SCGB2B2: variants seen among roughly 807,000 people sequenced by gnomAD.
The protein encoded by SCGB2B2 is secretoglobin-like protein.
SCGB2B2 carries 11 observed loss-of-function variants against 7.6 expected under a neutral mutation model. That is an observed-to-expected ratio of 1.45 (90% CI 0.91 to 2.40). The LOEUF (loss-of-function observed/expected upper bound fraction) is 2.40. Among genes scored for constraint, SCGB2B2 ranks in the 30% most tolerant of loss-of-function variants. The pLI is 0.00. For synonymous variants in SCGB2B2, 50 were observed against 48.6 expected (o/e 1.03, Z -0.12); for missense variants, 104 against 115.4 (o/e 0.90, Z 0.45).
chr19:34,660,027 A>G (rs910784288), intron 1 of SCGB2B2, among the ~76,000 whole-genome samples: 1 of 152,228 alleles, frequency 6.6e-6, no homozygotes, highest in African/African-American at 2.4e-5. Flanking sequence ...AAAACAAGCA[A>G]CAGGGAAAGG....
Position 34,653,152 on chromosome 19 carries a change from A to G in SCGB2B2, c.-2032+22478T>C, listed in dbSNP as rs2067203160. On this transcript the variant is annotated intron_variant, in intron 1 of 3. Coordinates refer to ENST00000601241, the MANE Select transcript of SCGB2B2 (RefSeq NM_001025591.4). ...TCTCACTCACATGTGGAAGTAAAAA[A>G]GCTGCTCTCATAGAAGAAGAGTGTA... 1.3e-5 allele frequency among the ~76,000 whole-genome samples: 2 copies of G among 151,262 alleles called. 1 individual carries two copies. Among genetic ancestry groups the G allele is most frequent in the African/African-American group, 4.9e-5 (2 of 40,576 alleles).
At chr19:34,631,349 C>T (rs1179667829) in intron 1 of SCGB2B2, among the ~76,000 whole-genome samples, 6 of 142,526 alleles carry the variant, frequency 4.2e-5, no homozygotes, top group Non-Finnish European at 7.6e-5. Flanking sequence ...ATCATTCTAT[C>T]GTTAGTCTTA....
chr19:34,644,021 TTATGAG>T (rs1402418691), intron 1 of SCGB2B2, among the ~76,000 whole-genome samples: 2 of 152,206 alleles, frequency 1.3e-5, no homozygotes, highest in Admixed American at 6.5e-5. Flanking sequence ...ATTTATACCT[TTATGAG>T]TATATCAACA....
intron 1 of SCGB2B2, among the ~76,000 whole-genome samples, chr19:34,633,291 C>T (rs2066585834): frequency 1.3e-5 from 2 of 152,172 alleles, no homozygotes; most frequent in East Asian, 3.9e-4. Flanking sequence ...CCTGTTACTC[C>T]TAGGTATTAA....
At chr19:34,668,996 C>G (rs1406620052) in intron 1 of SCGB2B2, among the ~76,000 whole-genome samples, 2 of 152,118 alleles carry the variant, frequency 1.3e-5, no homozygotes, top group African/African-American at 4.8e-5. Context: ...TGTTCTTTTG[C>G]TCTTTACAAT....
At chr19:34,671,211 C>A (rs2067793952) in intron 1 of SCGB2B2, among the ~76,000 whole-genome samples, 2 of 152,172 alleles carry the variant, frequency 1.3e-5, no homozygotes, top group Admixed American at 6.5e-5. Context: ...CTGCAGCTGG[C>A]CTGGTTTTTG....
chr19:34,653,624 C>T (rs1197293917), intron 1 of SCGB2B2, among the ~76,000 whole-genome samples: 1 of 151,074 alleles, frequency 6.6e-6, no homozygotes, highest in African/African-American at 2.5e-5. Flanking sequence ...TACAATATGA[C>T]CAAGTAGACT....
intron 1 of SCGB2B2, among the ~76,000 whole-genome samples, chr19:34,628,211 C>A (rs1469321305): frequency 6.6e-6 from 1 of 152,080 alleles, no homozygotes; most frequent in East Asian, 1.9e-4. Context: ...ATTAAAAGAA[C>A]TGGAGAAGCA....
chr19:34,663,828 A>T (rs1037576767), intron 1 of SCGB2B2, among the ~76,000 whole-genome samples: 104 of 152,238 alleles, frequency 6.8e-4, no homozygotes, highest in African/African-American at 2.4e-3. Flanking sequence ...GGAGATGCAG[A>T]GGGGAAAGAG....
At chr19:34,647,052 A>T (rs1267852707) in intron 1 of SCGB2B2, among the ~76,000 whole-genome samples, 2 of 151,696 alleles carry the variant, frequency 1.3e-5, no homozygotes, top group African/African-American at 4.9e-5. Context: ...CAGATGCTGG[A>T]GGCTGGGAAA....
intron 1 of SCGB2B2, among the ~76,000 whole-genome samples, chr19:34,657,427 C>G (rs190425833): frequency 6.7e-6 from 1 of 150,024 alleles, no homozygotes; most frequent in African/African-American, 2.5e-5. Flanking sequence ...AAATGGAAAG[C>G]AAAAAAAAGC....
intron 1 of SCGB2B2, among the ~76,000 whole-genome samples, chr19:34,648,842 T>C (rs974999602): frequency 6.6e-6 from 1 of 151,600 alleles, no homozygotes; most frequent in East Asian, 1.9e-4. Flanking sequence ...CCTCTTTGTG[T>C]TGGACTGCAA....
downstream of SCGB2B2, among the ~76,000 whole-genome samples, chr19:34,590,094 C>T (rs1035942413): frequency 6.6e-6 from 1 of 152,198 alleles, no homozygotes; most frequent in African/African-American, 2.4e-5. Flanking sequence ...GGGTATGACC[C>T]CATTTCAACC....
chr19:34,659,147 A>T (rs568700126), intron 1 of SCGB2B2, among the ~76,000 whole-genome samples: 29 of 152,318 alleles, frequency 1.9e-4, no homozygotes, highest in African/African-American at 6.5e-4. Flanking sequence ...TCTCAAAATG[A>T]TAAGAGCTAC....
intron 1 of SCGB2B2, among the ~76,000 whole-genome samples, chr19:34,660,582 G>T (rs2067425408): frequency 2.0e-5 from 3 of 151,974 alleles, no homozygotes; most frequent in Non-Finnish European, 2.9e-5. Flanking sequence ...AAACCACAGT[G>T]AGATACCAGT....
At chr19:34,635,919 C>T (rs1292340587) in intron 1 of SCGB2B2, among the ~76,000 whole-genome samples, 1 of 152,216 alleles carries the variant, frequency 6.6e-6, no homozygotes, top group Non-Finnish European at 1.5e-5. Context: ...TCTGTACTGA[C>T]CCAGAATTGT....
chr19:34,617,624 T>C (rs1568432882), intron 1 of SCGB2B2, among the ~76,000 whole-genome samples: 1 of 152,204 alleles, frequency 6.6e-6, no homozygotes, highest in Non-Finnish European at 1.5e-5. Context: ...AATCATGTCA[T>C]CTGCAAACAG....
intron 1 of SCGB2B2, among the ~76,000 whole-genome samples, chr19:34,663,311 G>A (rs932678717): frequency 5.9e-5 from 9 of 152,186 alleles, no homozygotes; most frequent in Non-Finnish European, 1.2e-4. Context: ...ATGTGTGCCA[G>A]GACATCCACA....
intron 1 of SCGB2B2, among the ~76,000 whole-genome samples, chr19:34,626,511 A>G (rs2066382079): frequency 1.3e-5 from 2 of 152,228 alleles, no homozygotes; most frequent in Non-Finnish European, 2.9e-5. Context: ...GGTATCAGTG[A>G]CAGAAGATCA....
Sources: allele counts gnomAD v4.1 joint callset (sites outside exome capture counted in the v4.1 genomes callset), GRCh38; gene constraint gnomAD v4.1.1; transcripts MANE v1.5; gene names NCBI Gene and HGNC (gene_info 2026-07-23, HGNC 2026-07-21).